Variants in PHACTR1 observed in about 807,000 individuals in gnomAD.
The protein encoded by PHACTR1 is RPEL repeat containing 1.
A neutral mutation model predicts 69.2 loss-of-function variants in PHACTR1; 16 were observed. The ratio of observed to expected loss-of-function variants is 0.23; its 90% CI spans 0.16 to 0.35. PHACTR1 has a LOEUF of 0.35. Among genes scored for constraint, PHACTR1 ranks in the 10% least tolerant of loss-of-function variants. PHACTR1 has a pLI of 1.00. For synonymous variants in PHACTR1, 312 were observed against 284.5 expected, an observed-to-expected ratio of 1.10 and a Z score of -0.97; for missense variants, 510 against 734.7, an observed-to-expected ratio of 0.69 and a Z score of 3.54.
intron 10 of PHACTR1, among the ~76,000 whole-genome samples, chr6:13,264,537 T>C (rs1776341766): frequency 6.6e-6 from 1 of 151,932 alleles, no homozygotes; most frequent in South Asian, 2.1e-4. Context: ...CTGGCCAACA[T>C]GGTGAAACCC....
At chr6:13,131,073 T>C (rs1452220213) in intron 5 of PHACTR1, among the ~76,000 whole-genome samples, 3 of 151,914 alleles carry the variant, frequency 2.0e-5, no homozygotes, top group Non-Finnish European at 4.4e-5. Flanking sequence ...ATCATCTCAA[T>C]AGGTTCAGAA....
rs184074847 is a variant in PHACTR1 at position 13,237,133 on chromosome 6, T to C, written c.1391+6940T>C. Among the ~76,000 whole-genome samples the C allele has an allele frequency of 1.8e-4, 28 of 152,278 alleles. 1 individual carries two copies. In the East Asian group the frequency reaches 4.8e-3, roughly 26 times the overall value. On this transcript the variant is annotated intron_variant, in intron 10 of 14. Coordinates refer to ENST00000332995, the MANE Select transcript of PHACTR1 (RefSeq NM_030948.6). Reference sequence around the variant, plus strand: ...GGCTCATGCCTATAATCCCAGCACTTTGGGGGGCCAAAGTAGAAGGATCAC... The same window carrying C: ...GGCTCATGCCTATAATCCCAGCACTCTGGGGGGCCAAAGTAGAAGGATCAC...
rs78763962 is a variant in PHACTR1 at position 12,967,164 on chromosome 6, T to A, written c.251-86201T>A. On this transcript the variant is annotated intron_variant, in intron 4 of 14. Coordinates refer to ENST00000332995, the MANE Select transcript of PHACTR1 (RefSeq NM_030948.6). ...TCTTATGGATAAAAGTGTTTCCAAA[T>A]ACAGCAAATGTTTCATCTTCATATA... is the stretch of plus-strand genomic sequence containing the variant. 6.2e-3 allele frequency among the ~76,000 whole-genome samples: 943 copies of A among 152,328 alleles called. 9 individuals carry two copies. Among genetic ancestry groups the A allele is most frequent in the African/African-American group, 0.022 (897 of 41,564 alleles).
At chr6:13,143,081 A>G (rs1020813341) in intron 5 of PHACTR1, among the ~76,000 whole-genome samples, 3 of 152,190 alleles carry the variant, frequency 2.0e-5, no homozygotes, top group Admixed American at 2.0e-4. Context: ...AATTTCAACA[A>G]TTGAACTCAT....
chr6:13,133,172 A>G (rs1820743786), intron 5 of PHACTR1, among the ~76,000 whole-genome samples: 1 of 148,508 alleles, frequency 6.7e-6, no homozygotes, highest in Non-Finnish European at 1.5e-5. Context: ...ATAGAAGGTT[A>G]TTTCGTCTCC....
chr6:12,928,978 T>C (rs1788584370), intron 4 of PHACTR1, among the ~76,000 whole-genome samples: 2 of 152,176 alleles, frequency 1.3e-5, no homozygotes, highest in African/African-American at 4.8e-5. Context: ...TGGTGTTTTT[T>C]CAAAGATCTC....
rs74733625 is a variant in PHACTR1 at position 13,225,597 on chromosome 6, C to T, written c.987-2219C>T. Reference sequence around the variant, plus strand: ...TTCTTATCTTCCTTTGCATTTTTCTCTCTTCTTTATCTTCTTGAATCAACT... The same window carrying T: ...TTCTTATCTTCCTTTGCATTTTTCTTTCTTCTTTATCTTCTTGAATCAACT... On this transcript the variant is annotated intron_variant, in intron 8 of 14. Transcript: ENST00000332995. Among the ~76,000 whole-genome samples the T allele has an allele frequency of 6.4e-4, 97 of 152,292 alleles. No individual in the cohort carries two copies. The East Asian group carries it at 0.018, about 28-fold the overall frequency.
chr6:13,098,778 G>A (rs1484117101), intron 5 of PHACTR1, among the ~76,000 whole-genome samples: 1 of 152,108 alleles, frequency 6.6e-6, no homozygotes, highest in Non-Finnish European at 1.5e-5. Flanking sequence ...TTATTTCTGG[G>A]ATGTGTTCAC....
At chr6:13,064,899 AT>A (rs527269093) in intron 5 of PHACTR1, among the ~76,000 whole-genome samples, 181 of 152,020 alleles carry the variant, frequency 1.2e-3, no homozygotes, top group Middle Eastern at 3.4e-3. Flanking sequence ...TGAAATACAG[AT>A]TTCTCCAAAA....
intron 4 of PHACTR1, among the ~76,000 whole-genome samples, chr6:13,035,825 T>A (rs753575712): frequency 2.0e-5 from 3 of 152,182 alleles, no homozygotes; most frequent in Non-Finnish European, 4.4e-5. Context: ...AAAGGTCACA[T>A]TCAAGGTCAT....
intron 5 of PHACTR1, among the ~76,000 whole-genome samples, chr6:13,143,935 G>C (rs540082470): frequency 6.6e-6 from 1 of 152,106 alleles, no homozygotes; most frequent in Non-Finnish European, 1.5e-5. Context: ...TATTTATACT[G>C]TTAGCAGAAT....
At chr6:12,774,934 C>T (rs1015622455) in intron 4 of PHACTR1, among the ~76,000 whole-genome samples, 9 of 152,188 alleles carry the variant, frequency 5.9e-5, no homozygotes, top group African/African-American at 2.2e-4. Context: ...TCCTGAGTCA[C>T]TTCTAGAACA....
intron 4 of PHACTR1, among the ~76,000 whole-genome samples, chr6:12,967,863 G>A (rs1321043774): frequency 6.6e-6 from 1 of 152,168 alleles, no homozygotes; most frequent in Non-Finnish European, 1.5e-5. Flanking sequence ...TGTTTTGCAA[G>A]GACTAGTTTT....
intron 4 of PHACTR1, among the ~76,000 whole-genome samples, chr6:12,981,064 T>A (rs904355259): frequency 1.3e-5 from 2 of 152,230 alleles, no homozygotes; most frequent in Non-Finnish European, 2.9e-5. Context: ...AAATCAGAAG[T>A]CCTCAGATAT....
At chr6:13,209,668 C>T (rs914692114) in intron 8 of PHACTR1, among the ~76,000 whole-genome samples, 4 of 152,208 alleles carry the variant, frequency 2.6e-5, no homozygotes, top group African/African-American at 9.6e-5. Flanking sequence ...ACCATCCAGG[C>T]CACCAAGCCC....
At chr6:13,041,849 C>T (rs537609876) in intron 4 of PHACTR1, among the ~76,000 whole-genome samples, 44 of 152,270 alleles carry the variant, frequency 2.9e-4, no homozygotes, top group African/African-American at 9.9e-4. Context: ...TAGACTCAGT[C>T]CTGGACCACG....
chr6:13,197,134 T>A (rs548602005), intron 7 of PHACTR1, among the ~76,000 whole-genome samples: 1 of 152,338 alleles, frequency 6.6e-6, no homozygotes, highest in South Asian at 2.1e-4. Context: ...AGGTGGGGAA[T>A]GTATTATGAT....
At chr6:12,972,588 G>A (rs935506304) in intron 4 of PHACTR1, among the ~76,000 whole-genome samples, 1 of 151,414 alleles carries the variant, frequency 6.6e-6, no homozygotes, top group Non-Finnish European at 1.5e-5. Context: ...CCGGCATTCC[G>A]TGACTCATGG....
chr6:13,068,048 G>A (rs1267900344), intron 5 of PHACTR1, among the ~76,000 whole-genome samples: 1 of 152,150 alleles, frequency 6.6e-6, no homozygotes, highest in Non-Finnish European at 1.5e-5. Context: ...TAGGCACGGT[G>A]GCTCACGCCT....
Sources: gnomAD v4.1 joint callset for allele counts (sites outside exome capture counted in the v4.1 genomes callset) on GRCh38, gnomAD v4.1.1 for gene constraint, MANE v1.5 for transcripts, NCBI Gene and HGNC (gene_info 2026-07-23, HGNC 2026-07-21) for gene names.